HSPG2: variants seen among roughly 807,000 people sequenced by gnomAD.
The protein encoded by HSPG2 is heparan sulfate proteoglycan 2.
In HSPG2, 278 loss-of-function variants were observed where a neutral mutation model predicts 526.6. The observed-to-expected ratio is 0.53, with a 90% CI of 0.48 to 0.58. The LOEUF (loss-of-function observed/expected upper bound fraction) is 0.58. Ranked by LOEUF, HSPG2 falls within the 20% of genes least tolerant of loss-of-function variation. The pLI is 0.00. For synonymous variants in HSPG2, 2,465 were observed against 2,555.4 expected (o/e 0.96, Z 1.07); for missense variants, 5,354 against 6,099.5 (o/e 0.88, Z 4.07).
Position 21,855,767 on chromosome 1 carries a change from C to A in HSPG2, c.5701+20G>T. 6.2e-7 allele frequency: 1 copy of A among 1,612,280 alleles called. No homozygotes were observed. Among genetic ancestry groups the A allele is most frequent in the South Asian group, 1.1e-5 (1 of 90,804 alleles). On this transcript the variant is annotated intron_variant, in intron 45 of 96. Transcript: ENST00000374695. ...CCCAGGAGAGTCAGGCCTTGAATGT[C>A]ATTCCCATCACGGCCTCACCTGTCC...
rs2270696 is a variant in HSPG2 at position 21,841,293 on chromosome 1, G to A, written c.9329-8C>T. ...CGGACACTGTAGGGGGCCCTGTGCGGAGGAATGACAACCACTGACACACAG... is the reference window on the plus strand; with the variant it reads ...CGGACACTGTAGGGGGCCCTGTGCGAAGGAATGACAACCACTGACACACAG... On this transcript the variant is annotated splice_polypyrimidine_tract_variant and splice_region_variant and intron_variant, in intron 70 of 96. Coordinates refer to ENST00000374695, the MANE Select transcript of HSPG2 (RefSeq NM_005529.7). 24,697 of 1,613,354 alleles carry A rather than the reference G, an allele frequency of 0.015. 1,099 individuals carry two copies. In the East Asian group the frequency reaches 0.18, roughly 12 times the overall value.
rs1290196246 is a variant in HSPG2, at chr1:21,890,000, C to A, written c.555G>T (p.Gln185His). ...GCTCACCTGTGCCCAGGCGTCGGAA[C>A]TGGAATCCCTGGGGAGAGGTGACGT... ...ASYVTSPQGF[Q>H]FRRLGTVPQF... Residue 185 changes from glutamine to histidine, a missense_variant, in exon 6 of 97, where the codon CAG becomes CAT. Coordinates refer to ENST00000374695, the MANE Select transcript of HSPG2 (RefSeq NM_005529.7). The A allele has an allele frequency of 1.9e-6, 3 of 1,614,096 alleles. No homozygotes were observed. Among genetic ancestry groups the A allele is most frequent in the Admixed American group, 1.7e-5 (1 of 60,024 alleles).
At position 21,832,513 on chromosome 1, in the gene HSPG2, C is replaced by A; in HGVS notation, c.11189G>T (p.Gly3730Val). 1 of 1,614,200 alleles carries A rather than the reference C, an allele frequency of 6.2e-7. No homozygotes were observed. Among genetic ancestry groups the A allele is most frequent in the Non-Finnish European group, 8.5e-7 (1 of 1,180,008 alleles). Residue 3730 changes from glycine to valine, a missense_variant, in exon 81 of 97, where the codon GGG (glycine) becomes GTG (valine). Transcript: ENST00000374695. ...GTCTCACCGGAACTCGGGCCTTCCC[C>A]CCACGAGGCCGAAGGAGATGAAGTC... ...QPDFISFGLV[G>V]GRPEFRFDAG...
intron 9 of HSPG2, among the ~76,000 whole-genome samples, chr1:21,885,780 T>C (rs1305364731): frequency 1.3e-5 from 2 of 151,994 alleles, no homozygotes; most frequent in African/African-American, 2.4e-5. Context: ...ACAAGACCCA[T>C]GTCAAAGGCA....
chr1:21,935,649 C>T (rs1317713699), intron 1 of HSPG2, among the ~76,000 whole-genome samples: 2 of 152,232 alleles, frequency 1.3e-5, no homozygotes, highest in East Asian at 1.9e-4. Flanking sequence ...CTCCACCCAC[C>T]GCCATCCTAC....
rs745452577 is a variant in HSPG2, at chr1:21,865,798, G to A, written c.4233C>T (p.Tyr1411=). 16 of 1,613,344 alleles carry A rather than the reference G, an allele frequency of 9.9e-6. No individual in the cohort carries two copies. The Admixed American group carries it at 1.3e-4, about 13-fold the overall frequency. The change falls in exon 34 of 97, where the codon TAC becomes TAT. Residue 1411 remains tyrosine, a synonymous_variant. Coordinates refer to ENST00000374695, the MANE Select transcript of HSPG2 (RefSeq NM_005529.7). This position sits in a 1 kb window ranked among gnomAD's most constrained non-coding sequence, Gnocchi z 5.4. ...AGAGGGTGTATCGCAACTTCCCACC[G>A]TAGGCCGCCACCTGCAAAGAGGCAA... ...ETYQGDKVAA[Y]GGKLRYTLSY...
chr1:21,833,663 G>C (rs1231752286), intron 78 of HSPG2, 49 bp from the exon 79 acceptor site: 2 of 1,610,356 alleles, frequency 1.2e-6, no homozygotes, highest in African/African-American at 2.7e-5. Flanking sequence ...CACGGCTCCA[G>C]GGGCCCACCT....
rs1303914495 is a variant in HSPG2, at chr1:21,846,215, G to A, written c.8357C>T (p.Ala2786Val). The A allele has an allele frequency of 1.9e-6, 3 of 1,613,040 alleles. No homozygotes were observed. The highest frequency in any genetic ancestry group is 2.5e-6 in the Non-Finnish European group (3 of 1,179,994). ...CCGGCACACGTATTCACCCGAGTCG[G>A]CCGGGGACACATGGTGCAGCCGCAG... ...SRLRLHHVSPADSGEYVCRVM... is the reference protein window; with the variant it reads ...SRLRLHHVSPVDSGEYVCRVM... The change falls in exon 64 of 97, where the codon GCC becomes GTC. Residue 2786 changes from alanine to valine, a missense_variant. Physicochemically the swap from Ala to Val is moderately conservative, Grantham distance 64 (BLOSUM62 0). Transcript: ENST00000374695.
chr1:21,848,237 T>C lies in HSPG2; in HGVS notation c.7738-144A>G. The stretch of plus-strand genomic sequence containing the variant: ...CCTTCGTGAAGCTCCCAGCATGGCA[T>C]GTGGCCTGTCTCTGGGCTGGGGTGG... On this transcript the variant is annotated intron_variant, in intron 59 of 96. Coordinates refer to ENST00000374695, the MANE Select transcript of HSPG2 (RefSeq NM_005529.7). This position sits in a 1 kb window ranked among gnomAD's most constrained non-coding sequence, Gnocchi z 4.9. The C allele has an allele frequency of 3.0e-6, 3 of 1,001,806 alleles. No homozygotes were observed. The highest frequency in any genetic ancestry group is 2.6e-5 in the East Asian group (1 of 38,466). The allele number at this position is 1,001,806 out of a possible 1,614,324, so 62.1% of individuals were successfully genotyped here.
rs1435977864 is a variant in HSPG2 at position 21,830,968 on chromosome 1, G to A, written c.11671+14C>T. ...GGCCCTGGGGCGACAGCGACTGGCGGTCGGGGTGCGTACCTGGATGGCAGT... is the reference window on the plus strand; with the variant it reads ...GGCCCTGGGGCGACAGCGACTGGCGATCGGGGTGCGTACCTGGATGGCAGT... On this transcript the variant is annotated intron_variant, in intron 85 of 96. Coordinates refer to ENST00000374695, the MANE Select transcript of HSPG2 (RefSeq NM_005529.7). 6.4e-7 allele frequency: 1 copy of A among 1,550,738 alleles called. No individual in the cohort carries two copies. Among genetic ancestry groups the A allele is most frequent in the Non-Finnish European group, 8.8e-7 (1 of 1,140,684 alleles).
intron 21 of HSPG2, 105 bp downstream of exon 21, chr1:21,878,081 C>A: frequency 9.5e-7 from 1 of 1,056,540 alleles, no homozygotes; most frequent in Non-Finnish European, 1.4e-6. Flanking sequence ...TGGGTTACCA[C>A]CCACTGGCCA....
In HSPG2 at chr1:21,831,078, A is replaced by G. The variant is rs1273645584; in HGVS notation, c.11575T>C (p.Cys3859Arg). 1.9e-6 allele frequency: 3 copies of G among 1,600,860 alleles called. No homozygotes were observed. The highest frequency in any genetic ancestry group is 2.6e-6 in the Non-Finnish European group (3 of 1,173,840). ...TAGCTGCTGCTCTCAGAGTCATGGC[A>G]CTGACCGCCATTCTGCAAAGCAGCC... The part of the protein sequence containing the change: ...RDRPCQNGGQ[C>R]HDSESSSYVC... Residue 3859 changes from cysteine to arginine, a missense_variant, in exon 85 of 97, where the codon TGC becomes CGC. Transcript: ENST00000374695.
At chr1:21,910,325 C>T (rs572425344) in intron 1 of HSPG2, among the ~76,000 whole-genome samples, 10 of 152,332 alleles carry the variant, frequency 6.6e-5, no homozygotes, top group African/African-American at 2.2e-4. Flanking sequence ...TACTGTTCCC[C>T]ACCTCCCCTG....
At position 21,854,272 on chromosome 1, in the gene HSPG2, C is replaced by T. The variant is rs776020613; in HGVS notation, c.6360G>A (p.Glu2120=). The T allele has an allele frequency of 3.8e-6, 6 of 1,580,276 alleles. No homozygotes were observed. The highest frequency in any genetic ancestry group is 1.3e-5 in the African/African-American group (1 of 74,578). The stretch of plus-strand genomic sequence containing the variant: ...AGGCCTCCTTGGGGCCCGATCCATT[C>T]TCCACACGGCACACATATTCTCCAG... The part of the protein sequence containing the change: ...ADSGEYVCRV[E]NGSGPKEASI... Residue 2120 remains glutamate, a synonymous_variant, in exon 50 of 97, where the codon GAG becomes GAA. Coordinates refer to ENST00000374695, the MANE Select transcript of HSPG2 (RefSeq NM_005529.7).
At position 21,880,759 on chromosome 1, in the gene HSPG2, C is replaced by T. The variant is rs372588057; in HGVS notation, c.1895G>A (p.Arg632Gln). The T allele has an allele frequency of 1.8e-5, 28 of 1,599,854 alleles. No homozygotes were observed. The highest frequency in any genetic ancestry group is 2.7e-5 in the African/African-American group (2 of 74,716). The part of the protein sequence containing the change: ...LARGMLEPVQ[R>Q]PDVVLMGAGY... The stretch of plus-strand genomic sequence containing the variant: ...GGCACCCATGAGGACCACGTCCGGC[C>T]GCTGCACTGGCTCCAGCATGCCACG... The change falls in exon 15 of 97, where the codon CGG (arginine) becomes CAG (glutamine). Residue 632 changes from arginine (R) to glutamine (Q), a missense_variant. Physicochemically the swap from Arg to Gln is conservative, Grantham distance 43. Transcript: ENST00000374695.
At chr1:21,878,299 T>C in intron 20 of HSPG2, 46 bp from the exon 21 acceptor site, 1 of 1,604,088 alleles carries the variant, frequency 6.2e-7, no homozygotes, top group Non-Finnish European at 8.5e-7. Flanking sequence ...GAATGGGATA[T>C]ACGTGGTCCG....
rs3736358 is a variant in HSPG2, at chr1:21,823,667, G to T, written c.12952C>A (p.Arg4318=). The part of the protein sequence containing the change: ...QVDGEELVSG[R]SPGPNVAVNA... ...ACTGCCACGTTGGGACCTGGGGACC[G>T]GCCGCTGACCAGCTCCTCACCGTCG... is the stretch of plus-strand genomic sequence containing the variant. The change falls in exon 96 of 97, where the codon CGG becomes AGG. Residue 4318 remains arginine, a synonymous_variant. Coordinates refer to ENST00000374695, the MANE Select transcript of HSPG2 (RefSeq NM_005529.7). The T allele has an allele frequency of 0.18, 290,335 of 1,613,166 alleles. 28,135 individuals carry two copies. Among genetic ancestry groups the T allele is most frequent in the South Asian group, 0.28 (25,747 of 91,074 alleles).
chr1:21,933,907 G>C (rs1644413089), intron 1 of HSPG2, among the ~76,000 whole-genome samples: 2 of 152,234 alleles, frequency 1.3e-5, no homozygotes, highest in Non-Finnish European at 2.9e-5. Context: ...CTGCAGTTCA[G>C]CTGGCAGCCT....
At chr1:21,830,726 T>G (rs956919555) in intron 85 of HSPG2, 24,201 of 172,840 alleles carry the variant, frequency 0.14, no homozygotes, top group South Asian at 0.28. Context: ...GGGCTGGGGG[T>G]GGGGGAGTGC....
Sources: allele counts gnomAD v4.1 joint callset (sites outside exome capture counted in the v4.1 genomes callset), GRCh38; gene constraint gnomAD v4.1.1; non-coding constraint Gnocchi (gnomAD v3.1); transcripts MANE v1.5; gene names NCBI Gene and HGNC (gene_info 2026-07-23, HGNC 2026-07-21).